Variants in FBXO38 observed in about 807,000 individuals in gnomAD.
FBXO38 encodes F-box protein 38, also known as F-box only protein 38.
FBXO38 carries 53 observed loss-of-function variants against 131.9 expected under a neutral mutation model. The observed-to-expected ratio is 0.40, with a 90% CI of 0.32 to 0.51. FBXO38 has a LOEUF of 0.51. Ranked by LOEUF, FBXO38 falls within the 20% of genes least tolerant of loss-of-function variation. The pLI, the probability that FBXO38 is intolerant of heterozygous loss-of-function variation, is 0.53. For missense variants in FBXO38, 1,076 were observed against 1,475.6 expected (o/e 0.73, Z 4.44); for synonymous variants, 452 against 505.6 (o/e 0.89, Z 1.42).
At chr5:148,403,975 CCTT>C (rs1163407464) in intron 5 of FBXO38, among the ~76,000 whole-genome samples, 4 of 152,230 alleles carry the variant, frequency 2.6e-5, no homozygotes, top group South Asian at 2.1e-4. Flanking sequence ...GCTACACCTC[CCTT>C]CTTCTGGTCA....
intron 12 of FBXO38, among the ~76,000 whole-genome samples, chr5:148,420,585 TC>T (rs1457822573): frequency 6.6e-6 from 1 of 152,232 alleles, no homozygotes; most frequent in Admixed American, 6.5e-5. Flanking sequence ...TAACTAATTT[TC>T]TATTTTGATT....
intron 2 of FBXO38, among the ~76,000 whole-genome samples, chr5:148,396,419 A>G (rs1758481825): frequency 6.6e-6 from 1 of 152,176 alleles, no homozygotes; most frequent in South Asian, 2.1e-4. Context: ...CAGTGAGGAA[A>G]AGTTGGGTGG....
chr5:148,442,148 T>C lies in FBXO38; in HGVS notation c.*1T>C. 1.2e-6 allele frequency: 2 copies of C among 1,613,444 alleles called. No individual in the cohort carries two copies. Among genetic ancestry groups the C allele is most frequent in the Non-Finnish European group, 1.7e-6 (2 of 1,179,512 alleles). On this transcript the variant is annotated 3_prime_UTR_variant, in exon 22 of 22. Transcript: ENST00000340253. ...GCCAGTTGAAGATGACTACATTTAATTGGTCCCTCCTCCTTTCCAGCTATT... is the reference window on the plus strand; with the variant it reads ...GCCAGTTGAAGATGACTACATTTAACTGGTCCCTCCTCCTTTCCAGCTATT...
chr5:148,392,581 T>TTTTG (rs140169140), intron 1 of FBXO38, among the ~76,000 whole-genome samples: 1 of 141,856 alleles, frequency 7.0e-6, no homozygotes, highest in African/African-American at 2.7e-5. Flanking sequence ...TTGCTTTTCT[T>TTTTG]TGTGTGTGTG....
intron 12 of FBXO38, 77 bp downstream of exon 12, chr5:148,417,281 C>G (rs1303742503): frequency 9.6e-7 from 1 of 1,036,964 alleles, no homozygotes; most frequent in Non-Finnish European, 1.5e-6. Flanking sequence ...ATCCTGTTCC[C>G]TTTTTCCCCT....
intron 14 of FBXO38, among the ~76,000 whole-genome samples, chr5:148,426,818 G>T (rs1271191781): frequency 6.6e-6 from 1 of 152,220 alleles, no homozygotes; most frequent in African/African-American, 2.4e-5. Context: ...TTGCTTTGGG[G>T]TGGGGGTGCA....
chr5:148,404,086 CAGG>C (rs1752309750), intron 5 of FBXO38, among the ~76,000 whole-genome samples: 1 of 152,158 alleles, frequency 6.6e-6, no homozygotes, highest in African/African-American at 2.4e-5. Flanking sequence ...AAATGACTGG[CAGG>C]TTTCTGCTTT....
intron 6 of FBXO38, among the ~76,000 whole-genome samples, chr5:148,405,372 A>C (rs1474588968): frequency 6.6e-6 from 1 of 152,026 alleles, no homozygotes; most frequent in Non-Finnish European, 1.5e-5. Context: ...CTCATCAGCT[A>C]TCTTTAATAT....
chr5:148,435,269 C>T (rs1754279131), intron 17 of FBXO38, among the ~76,000 whole-genome samples: 1 of 152,090 alleles, frequency 6.6e-6, no homozygotes, highest in Non-Finnish European at 1.5e-5. Context: ...TTGTCTAGAC[C>T]ACTCAAACTT....
intron 7 of FBXO38, 129 bp from the exon 8 acceptor site, chr5:148,408,995 A>C (rs1752588391): frequency 1.8e-6 from 1 of 569,348 alleles, no homozygotes; most frequent in African/African-American, 1.9e-5. Context: ...ATTTCAATGC[A>C]AAAACAAAGC....
chr5:148,441,948 C>G (rs1454942995), intron 21 of FBXO38, 21 bp from the exon 22 acceptor site: 26 of 1,598,444 alleles, frequency 1.6e-5, no homozygotes, highest in Non-Finnish European at 2.2e-5. Context: ...TGTATCTCTC[C>G]TTTTATTTCT....
At chr5:148,409,995 A>G (rs907489238) in intron 8 of FBXO38, among the ~76,000 whole-genome samples, 3 of 152,224 alleles carry the variant, frequency 2.0e-5, no homozygotes, top group African/African-American at 7.2e-5. Flanking sequence ...GAAAGGATAT[A>G]AGATTCTTAC....
rs752661132 is a variant in FBXO38 at position 148,425,656 on chromosome 5, C to A, written c.1873C>A (p.Arg625Ser). ...GAACGGTACTCGGCGTTACTCTGAA[C>A]GTGAAGAAAAAACTGGAGAGTCAGT... ...PKNGTRRYSE[R>S]EEKTGESVQS... Residue 625 changes from arginine to serine, a missense_variant, in exon 14 of 22, where the codon CGT (arginine) becomes AGT (serine). This residue lies in a region of FBXO38 where 212 missense variants were observed against 221.2 expected (regional missense o/e 0.96). Transcript: ENST00000340253. The A allele has an allele frequency of 6.2e-7, 1 of 1,613,796 alleles. No individual in the cohort carries two copies. Among genetic ancestry groups the A allele is most frequent in the East Asian group, 2.2e-5 (1 of 44,872 alleles).
chr5:148,399,432 A>G, intron 3 of FBXO38: 1 of 276,242 alleles, frequency 3.6e-6, no homozygotes, highest in Admixed American at 4.9e-5. Flanking sequence ...TGTGTATCAC[A>G]TTAGACACTG....
At chr5:148,439,844 G>T in intron 19 of FBXO38, 52 bp downstream of exon 19, 1 of 1,565,290 alleles carries the variant, frequency 6.4e-7, no homozygotes, top group Non-Finnish European at 8.7e-7. Flanking sequence ...CTCATAGCAG[G>T]GACTCCCAGA....
At chr5:148,438,270 A>G (rs1754464337) in intron 17 of FBXO38, 62 bp from the exon 18 acceptor site, 1 of 1,515,584 alleles carries the variant, frequency 6.6e-7, no homozygotes. Context: ...TGTGCCAACA[A>G]AAATTAGGCC....
At chr5:148,406,821 T>C (rs896620092) in intron 7 of FBXO38, among the ~76,000 whole-genome samples, 5 of 152,160 alleles carry the variant, frequency 3.3e-5, no homozygotes, top group African/African-American at 1.2e-4. Flanking sequence ...AAAAATACTT[T>C]TATACATATT....
chr5:148,436,133 TA>T (rs1754334447), intron 17 of FBXO38, among the ~76,000 whole-genome samples: 1 of 152,170 alleles, frequency 6.6e-6, no homozygotes, highest in Admixed American at 6.5e-5. Flanking sequence ...ACGTGCTTAC[TA>T]AAAAAATGGC....
chr5:148,441,342 G>C (rs977378933), intron 21 of FBXO38, 105 bp downstream of exon 21: 1 of 779,774 alleles, frequency 1.3e-6, no homozygotes, highest in African/African-American at 1.8e-5. Context: ...GTGTTAAATG[G>C]TTTCCCATAG....
Sources: gnomAD v4.1 joint callset for allele counts (sites outside exome capture counted in the v4.1 genomes callset) on GRCh38, gnomAD v4.1.1 for gene constraint, gnomAD v4.1.1 regional missense constraint, MANE v1.5 for transcripts, NCBI Gene and HGNC (gene_info 2026-07-23, HGNC 2026-07-21) for gene names.